The following TEAD1 variants were observed in gnomAD, a reference collection of about 807,000 sequenced individuals.
TEAD1 encodes transcriptional enhancer factor TEF-1.
TEAD1 carries 9 observed loss-of-function variants against 54.9 expected under a neutral mutation model. The ratio of observed to expected loss-of-function variants is 0.16; its 90% CI spans 0.10 to 0.29. The LOEUF is 0.29. Ranked by LOEUF, TEAD1 falls within the 10% of genes least tolerant of loss-of-function variation. The pLI, the probability that TEAD1 is intolerant of heterozygous loss-of-function variation, is 1.00. For missense variants in TEAD1, 387 were observed against 535.9 expected (o/e 0.72, Z 2.74); for synonymous variants, 200 against 187.8 (o/e 1.07, Z -0.53).
Position 12,930,240 on chromosome 11 carries a change from T to C in TEAD1, c.1081T>C (p.Tyr361His). The C allele has an allele frequency of 6.2e-7, 1 of 1,614,250 alleles. No individual in the cohort carries two copies. Among genetic ancestry groups the C allele is most frequent in the Non-Finnish European group, 8.5e-7 (1 of 1,180,042 alleles). Residue 361 changes from tyrosine (Y) to histidine (H), a missense_variant, in exon 12 of 13, where the codon TAT becomes CAT. Physicochemically the swap from Tyr to His is moderately conservative, Grantham distance 83. Transcript: ENST00000527636. ...AATAAACCGCTCCCCAATGTGTGAATATATGATCAACTTCATCCACAAGCT... is the reference window on the plus strand; with the variant it reads ...AATAAACCGCTCCCCAATGTGTGAACATATGATCAACTTCATCCACAAGCT...
At chr11:12,675,739 C>T (rs1397107268) in intron 2 of TEAD1, among the ~76,000 whole-genome samples, 178 bp downstream of exon 2, 2 of 152,196 alleles carry the variant, frequency 1.3e-5, no homozygotes, top group African/African-American at 4.8e-5. Flanking sequence ...AAAAAAATAA[C>T]TTTTGTATTT....
chr11:12,711,823 G>A (rs1943945094), intron 2 of TEAD1, among the ~76,000 whole-genome samples: 1 of 152,204 alleles, frequency 6.6e-6, no homozygotes, highest in Non-Finnish European at 1.5e-5. Context: ...AAGCAAGTGT[G>A]GGGTCCCTCA....
intron 3 of TEAD1, among the ~76,000 whole-genome samples, chr11:12,845,835 T>A (rs1947134764): frequency 1.3e-5 from 2 of 152,230 alleles, no homozygotes; most frequent in African/African-American, 4.8e-5. Context: ...TGGTCGCCTC[T>A]CTGGGTGTCC....
chr11:12,773,221 C>G (rs1284555106), intron 3 of TEAD1, among the ~76,000 whole-genome samples: 3 of 152,184 alleles, frequency 2.0e-5, no homozygotes, highest in Non-Finnish European at 4.4e-5. Flanking sequence ...CATTTCAAAT[C>G]CACTGTGAAC....
At chr11:12,683,249 C>T (rs955318532) in intron 2 of TEAD1, among the ~76,000 whole-genome samples, 5 of 152,124 alleles carry the variant, frequency 3.3e-5, no homozygotes, top group East Asian at 1.9e-4. Context: ...CACAGTAGTA[C>T]GTCTGAAATA....
intron 3 of TEAD1, among the ~76,000 whole-genome samples, chr11:12,853,509 A>G (rs918580355): frequency 7.9e-5 from 12 of 152,184 alleles, no homozygotes; most frequent in African/African-American, 2.7e-4. Context: ...TAGTCAAACT[A>G]CTCATTAGAG....
intron 5 of TEAD1, among the ~76,000 whole-genome samples, chr11:12,868,601 C>CA (rs1205442936): frequency 5.3e-5 from 8 of 152,176 alleles, no homozygotes; most frequent in Admixed American, 3.9e-4. Context: ...CAGTTGTTCT[C>CA]AATGTGCTTG....
At chr11:12,685,911 C>G (rs184230984) in intron 2 of TEAD1, among the ~76,000 whole-genome samples, 5 of 152,244 alleles carry the variant, frequency 3.3e-5, no homozygotes, top group African/African-American at 1.2e-4. Flanking sequence ...TAATGTGTAC[C>G]TCAAGTTTCA....
chr11:12,709,387 AG>A (rs1166395900), intron 2 of TEAD1, among the ~76,000 whole-genome samples: 1 of 151,952 alleles, frequency 6.6e-6, no homozygotes, highest in African/African-American at 2.4e-5. Context: ...TACTTTTTAT[AG>A]TTTTGTTTCT....
chr11:12,920,724 CA>C (rs1228688840), intron 10 of TEAD1, among the ~76,000 whole-genome samples: 1 of 152,184 alleles, frequency 6.6e-6, no homozygotes, highest in Non-Finnish European at 1.5e-5. Flanking sequence ...ACAGTGTATT[CA>C]TAGCACATGG....
intron 10 of TEAD1, among the ~76,000 whole-genome samples, chr11:12,918,502 T>C (rs1484648165): frequency 6.6e-6 from 1 of 152,148 alleles, no homozygotes; most frequent in Non-Finnish European, 1.5e-5. Context: ...TTACTGTTAG[T>C]TGGGAAGCCT....
chr11:12,822,710 A>G (rs1370601028), intron 3 of TEAD1: 2 of 152,254 alleles, frequency 1.3e-5, no homozygotes, highest in Non-Finnish European at 2.9e-5. Context: ...CTCACAGGAT[A>G]GTGTGCAGTA....
intron 9 of TEAD1, among the ~76,000 whole-genome samples, chr11:12,900,267 T>C (rs531458228): frequency 5.3e-5 from 8 of 151,974 alleles, no homozygotes; most frequent in Non-Finnish European, 1.2e-4. Flanking sequence ...CACTGTGTTG[T>C]CCAGGCTGGT....
chr11:12,859,774 G>T (rs1482359210), intron 3 of TEAD1, among the ~76,000 whole-genome samples: 2 of 152,176 alleles, frequency 1.3e-5, no homozygotes, highest in Non-Finnish European at 2.9e-5. Flanking sequence ...GTAAGGTTCT[G>T]TTTTGAGGTC....
Position 12,864,834 on chromosome 11 carries a change from G to A in TEAD1, c.268-4G>A, listed in dbSNP as rs762887997. 1 of 1,614,014 alleles carries A rather than the reference G, an allele frequency of 6.2e-7. No individual in the cohort carries two copies. The highest frequency in any genetic ancestry group is 1.1e-5 in the South Asian group (1 of 91,072). On this transcript the variant is annotated splice_polypyrimidine_tract_variant and splice_region_variant and intron_variant, in intron 4 of 12. Coordinates refer to ENST00000527636, the MANE Select transcript of TEAD1 (RefSeq NM_021961.6). ...TTGTTTTCCTCCCTTCCCCTACCCT[G>A]CAGGTGTCTAGTCACATTCAGGTTC...
chr11:12,688,814 C>G (rs1292250894), intron 2 of TEAD1, among the ~76,000 whole-genome samples: 1 of 152,156 alleles, frequency 6.6e-6, no homozygotes, highest in African/African-American at 2.4e-5. Context: ...CTGTTGGTTC[C>G]CCCAACCCAT....
chr11:12,777,095 AT>A (rs200084783), intron 3 of TEAD1, among the ~76,000 whole-genome samples: 1 of 150,720 alleles, frequency 6.6e-6, no homozygotes. Flanking sequence ...ACCCAGCCTT[AT>A]TTTTTTTTAA....
At chr11:12,837,685 T>TCCTTTCTCCCTTCA (rs1177537119) in intron 3 of TEAD1, among the ~76,000 whole-genome samples, 1 of 148,422 alleles carries the variant, frequency 6.7e-6, no homozygotes, top group African/African-American at 2.5e-5. Flanking sequence ...TCCTTCTTTC[T>TCCTTTCTCCCTTCA]CCCTTCTCCC....
At position 12,799,305 on chromosome 11, in the gene TEAD1, A is replaced by G. The variant is rs536161377; in HGVS notation, c.202+34871A>G. Among the ~76,000 whole-genome samples the G allele has an allele frequency of 2.0e-5, 3 of 152,390 alleles. No homozygotes were observed. The South Asian group carries it at 6.2e-4, about 32-fold the overall frequency. Reference sequence around the variant, plus strand: ...CAGATAAGGAATCTGGGCACAGAGCACTGAAGGCGCTTGTTAATAGTCACA... The same window carrying G: ...CAGATAAGGAATCTGGGCACAGAGCGCTGAAGGCGCTTGTTAATAGTCACA... On this transcript the variant is annotated intron_variant, in intron 3 of 12. Transcript: ENST00000527636.
Sources: allele counts gnomAD v4.1 joint callset (sites outside exome capture counted in the v4.1 genomes callset), GRCh38; gene constraint gnomAD v4.1.1; transcripts MANE v1.5; gene names NCBI Gene and HGNC (gene_info 2026-07-23, HGNC 2026-07-21).